The following GZMH variants were observed in gnomAD, a reference collection of about 807,000 sequenced individuals.
GZMH encodes the protein cathepsin G-like 2, protein h-CCPX.
GZMH carries 24 observed loss-of-function variants against 20.7 expected under a neutral mutation model. The observed-to-expected ratio is 1.16, with a 90% CI of 0.84 to 1.63. The LOEUF (loss-of-function observed/expected upper bound fraction) is 1.63. Among genes scored for constraint, GZMH ranks in the 40% most tolerant of loss-of-function variants. The probability of loss-of-function intolerance (pLI) is 0.00; values close to 1 mark genes in which losing one functional copy is unlikely to be tolerated. For missense variants in GZMH, 344 were observed against 302.7 expected (o/e 1.14, Z -1.01); for synonymous variants, 119 against 116.1 (o/e 1.02, Z -0.16).
At chr14:24,608,141 C>A in intron 2 of GZMH, 124 bp downstream of exon 2, 2 of 1,047,628 alleles carry the variant, frequency 1.9e-6, no homozygotes, top group Admixed American at 4.1e-5. Context: ...GGTGGCTGCT[C>A]CGATGAGCTT....
Position 24,607,223 on chromosome 14 carries a change from G to A in GZMH, c.523C>T (p.Leu175Phe). The A allele has an allele frequency of 1.2e-6, 2 of 1,614,130 alleles. No individual in the cohort carries two copies. The highest frequency in any genetic ancestry group is 1.7e-6 in the Non-Finnish European group (2 of 1,179,990). ...GCTCTGCTGTAATTGCCATGGAAGAGACGTTCACACTGGCAGTCCTTCTGC... is the reference window on the plus strand; with the variant it reads ...GCTCTGCTGTAATTGCCATGGAAGAAACGTTCACACTGGCAGTCCTTCTGC... ...TVQKDCQCERLFHGNYSRATE... is the reference protein window; with the variant it reads ...TVQKDCQCERFFHGNYSRATE... Residue 175 changes from leucine to phenylalanine, a missense_variant, in exon 4 of 5, where the codon CTC (leucine) becomes TTC (phenylalanine). Leu to Phe is a conservative substitution (Grantham distance 22, BLOSUM62 0). Transcript: ENST00000216338.
rs2066876520 is a variant in GZMH, at chr14:24,607,299, A to G, written c.447T>C (p.Tyr149=). 1 of 1,613,940 alleles carries G rather than the reference A, an allele frequency of 6.2e-7. No individual in the cohort carries two copies. Among genetic ancestry groups the G allele is most frequent in the African/African-American group, 1.3e-5 (1 of 74,952 alleles). Residue 149 remains tyrosine (Y), a synonymous_variant, in exon 4 of 5, where the codon TAT becomes TAC. Transcript: ENST00000216338. Reference sequence around the variant, plus strand: ...TGGTTGCTAAAGTGCTCATTGAGACATAACCCCAGCCAGCCACACTGCACA... The same window carrying G: ...TGGTTGCTAAAGTGCTCATTGAGACGTAACCCCAGCCAGCCACACTGCACA... The part of the protein sequence containing the change: ...GQLCSVAGWG[Y]VSMSTLATTL...
intron 1 of GZMH, among the ~76,000 whole-genome samples, chr14:24,609,334 G>A (rs2138482966): frequency 6.6e-6 from 1 of 152,308 alleles, no homozygotes; most frequent in Admixed American, 6.5e-5. Flanking sequence ...CCACACTCCA[G>A]GTCATAAAGG....
chr14:24,609,567 G>A lies in GZMH; in HGVS notation c.47C>T (p.Ala16Val). The A allele has an allele frequency of 6.2e-7, 1 of 1,607,936 alleles. No individual in the cohort carries two copies. The highest frequency in any genetic ancestry group is 1.7e-4 in the Middle Eastern group (1 of 6,040). The change falls in exon 1 of 5, where the codon GCT becomes GTT. Residue 16 changes from alanine to valine, a missense_variant. Ala to Val is a moderately conservative substitution (Grantham distance 64, BLOSUM62 0). Coordinates refer to ENST00000216338, the MANE Select transcript of GZMH (RefSeq NM_033423.5). ...TAGGGATAGTCACTTACCTGTCCCA[G>A]CCCCAGGGGTCAGAAGAAAGGCCAA... The part of the protein sequence containing the change: ...LLLAFLLTPG[A>V]GTEEIIGGHE...
intron 4 of GZMH, 52 bp downstream of exon 4, chr14:24,607,097 C>G (rs190749747): frequency 0.01 from 16,118 of 1,569,568 alleles, 128 homozygotes; most frequent in Middle Eastern, 0.028. Context: ...CCAGAACTCC[C>G]TCAAGTTCCT....
rs373891704 is a variant in GZMH, at chr14:24,607,157, C to T, written c.589G>A (p.Gly197Ser). Residue 197 changes from glycine to serine, a missense_variant, in exon 4 of 5, where the codon GGT becomes AGT. Gly to Ser is a moderately conservative substitution (Grantham distance 56). Coordinates refer to ENST00000216338, the MANE Select transcript of GZMH (RefSeq NM_033423.5). Reference protein sequence around the residue: ...CVGDPKKTQTGFKGDSGGPLV... With the variant: ...CVGDPKKTQTSFKGDSGGPLV... ...GAGGCTGGAAACCCAACCTTGAAAC[C>T]GGTCTGTGTCTTCTTTGGATCCCCC... 42 of 1,611,582 alleles carry T rather than the reference C, an allele frequency of 2.6e-5. No individual in the cohort carries two copies. The highest frequency in any genetic ancestry group is 2.7e-5 in the African/African-American group (2 of 74,888).
At position 24,607,418 on chromosome 14, in the gene GZMH, G is replaced by A. The variant is rs1594817668; in HGVS notation, c.340-12C>T. ...GCCTTTCTCTCCAGCTGGTGGGGAA[G>A]AAGCAAGAAAGTCCAGGTCAGGCAA... On this transcript the variant is annotated splice_polypyrimidine_tract_variant and intron_variant, in intron 3 of 4. Coordinates refer to ENST00000216338, the MANE Select transcript of GZMH (RefSeq NM_033423.5). The A allele has an allele frequency of 1.9e-6, 3 of 1,586,150 alleles. No individual in the cohort carries two copies. In the East Asian group the frequency reaches 6.8e-5, roughly 36 times the overall value.
At chr14:24,608,168 C>T (rs1207885869) in intron 2 of GZMH, 97 bp downstream of exon 2, 1 of 1,336,978 alleles carries the variant, frequency 7.5e-7, no homozygotes, top group East Asian at 2.3e-5. Flanking sequence ...GCTTGTGTTA[C>T]CAGGAACTCT....
At chr14:24,607,917 G>A (rs2066883513) in intron 2 of GZMH, among the ~76,000 whole-genome samples, 170 bp from the exon 3 acceptor site, 1 of 152,150 alleles carries the variant, frequency 6.6e-6, no homozygotes, top group African/African-American at 2.4e-5. Flanking sequence ...ACAAAGACAT[G>A]AAGAGTAGGG....
In GZMH at chr14:24,609,678, A is replaced by G. The variant is rs143207231; in HGVS notation, c.-65T>C. Reference sequence around the variant, plus strand: ...GACTCCTTCCAGAAACAAATGCTGGAGGGAGATGAAGGAGGGATGGGTACA... The same window carrying G: ...GACTCCTTCCAGAAACAAATGCTGGGGGGAGATGAAGGAGGGATGGGTACA... On this transcript the variant is annotated 5_prime_UTR_variant, in exon 1 of 5. Transcript: ENST00000216338. The G allele has an allele frequency of 9.2e-4, 1,099 of 1,195,290 alleles. 8 individuals are homozygous for G. In the African/African-American group the frequency reaches 0.012, roughly 13 times the overall value. The allele number at this position is 1,195,290 out of a possible 1,614,324, so 74.0% of individuals were successfully genotyped here.
chr14:24,606,641 A>G lies in GZMH; in HGVS notation c.703T>C (p.Phe235Leu), dbSNP rs530899206. 6.2e-7 allele frequency: 1 copy of G among 1,614,154 alleles called. No individual in the cohort carries two copies. The highest frequency in any genetic ancestry group is 2.2e-5 in the East Asian group (1 of 44,876). The change falls in exon 5 of 5, where the codon TTC becomes CTC. Residue 235 changes from phenylalanine to leucine, a missense_variant. Physicochemically the swap from Phe to Leu is conservative, Grantham distance 22. Transcript: ENST00000216338. ...ATTGTTCTCTTTATCCAGGGCAGGA[A>G]GTGTGAGACCTTGATGTAGACTCCT... ...PPGVYIKVSH[F>L]LPWIKRTMKR... is the part of the protein sequence containing the mutation.
At position 24,606,683 on chromosome 14, in the gene GZMH, T is replaced by A. The variant is rs2066870531; in HGVS notation, c.661A>T (p.Lys221Ter). 6.2e-7 allele frequency: 1 copy of A among 1,613,888 alleles called. No individual in the cohort carries two copies. The highest frequency in any genetic ancestry group is 2.2e-5 in the East Asian group (1 of 44,888). ...VAQGILSYGN[K>*]KGTPPGVYIK... Reference sequence around the variant, plus strand: ...TAGACTCCTGGAGGTGTCCCTTTTTTGTTTCCATAGGAGAGAATACCTTGG... The same window carrying A: ...TAGACTCCTGGAGGTGTCCCTTTTTAGTTTCCATAGGAGAGAATACCTTGG... The change falls in exon 5 of 5, where the codon AAA becomes TAA. Residue 221 changes from lysine to a stop codon, truncating the protein, a stop_gained. Transcript: ENST00000216338. LOFTEE classifies it low-confidence loss of function (END_TRUNC).
At chr14:24,606,958 C>T (rs574935118) in intron 4 of GZMH, among the ~76,000 whole-genome samples, 191 bp downstream of exon 4, 73 of 152,268 alleles carry the variant, frequency 4.8e-4, no homozygotes, top group African/African-American at 1.7e-3. Context: ...AAGTGACTGT[C>T]GGATGACAGA....
chr14:24,607,428 A>G, intron 3 of GZMH, 22 bp from the exon 4 acceptor site: 1 of 1,580,468 alleles, frequency 6.3e-7, no homozygotes, highest in Non-Finnish European at 8.6e-7. Flanking sequence ...GAAGCAAGAA[A>G]GTCCAGGTCA....
At chr14:24,608,549 G>T in intron 1 of GZMH, 137 bp from the exon 2 acceptor site, 1 of 866,016 alleles carries the variant, frequency 1.2e-6, no homozygotes, top group Non-Finnish European at 1.8e-6. Context: ...AGCTCTGCAG[G>T]CAGTACTCCT....
rs2066888633 is a variant in GZMH, at chr14:24,608,413, C to G, written c.56-1G>C. On this transcript the variant is annotated splice_acceptor_variant, in intron 1 of 4. Coordinates refer to ENST00000216338, the MANE Select transcript of GZMH (RefSeq NM_033423.5). LOFTEE classifies it high-confidence loss of function. ...GCCTCATGGCCCCCGATGATCTCCT[C>G]TGAAAGGAAAGACTGGAAGATAAAG... 1 of 1,613,862 alleles carries G rather than the reference C, an allele frequency of 6.2e-7. No individual in the cohort carries two copies. The highest frequency in any genetic ancestry group is 8.5e-7 in the Non-Finnish European group (1 of 1,179,892).
chr14:24,609,593 CAGG>C lies in GZMH; in HGVS notation c.18_20del (p.Leu8del), dbSNP rs752518523. On this transcript the variant is annotated inframe_deletion, in exon 1 of 5. Transcript: ENST00000216338. ...CCCCAGGGGTCAGAAGAAAGGCCAA[CAGG>C]AGGAGGAATGGCTGCATTTTCTCAG... is the stretch of plus-strand genomic sequence containing the variant. 3 of 1,611,158 alleles carry C rather than the reference CAGG, an allele frequency of 1.9e-6. No homozygotes were observed. The highest frequency in any genetic ancestry group is 2.5e-6 in the Non-Finnish European group (3 of 1,178,668).
intron 1 of GZMH, among the ~76,000 whole-genome samples, chr14:24,609,206 A>T (rs2066893933): frequency 6.6e-6 from 1 of 152,204 alleles, no homozygotes; most frequent in African/African-American, 2.4e-5. Context: ...GTCCAGTAAC[A>T]ACTCCTATGA....
intron 1 of GZMH, among the ~76,000 whole-genome samples, chr14:24,608,812 C>T (rs1021615758): frequency 6.6e-6 from 1 of 152,224 alleles, no homozygotes; most frequent in Non-Finnish European, 1.5e-5. Flanking sequence ...TACCCATGAG[C>T]TTCTGGAGTT....
Sources: allele counts gnomAD v4.1 joint callset (sites outside exome capture counted in the v4.1 genomes callset), GRCh38; gene constraint gnomAD v4.1.1; transcripts MANE v1.5; gene names NCBI Gene and HGNC (gene_info 2026-07-23, HGNC 2026-07-21).